COL24A1: variants seen among roughly 807,000 people sequenced by gnomAD.
The protein encoded by COL24A1 is collagen type XXIV alpha 1 chain.
Under a neutral mutation model 253.9 loss-of-function variants are expected in COL24A1, and 224 were observed. The ratio of observed to expected loss-of-function variants is 0.88; its 90% confidence interval spans 0.79 to 0.99. COL24A1 has a LOEUF of 0.99. COL24A1 is among the 50% of genes least tolerant of loss of function. COL24A1 has a pLI of 0.00. For missense variants in COL24A1, 2,131 were observed against 2,068.5 expected (o/e 1.03, Z -0.59); for synonymous variants, 685 against 673.7 (o/e 1.02, Z -0.26).
At chr1:85,908,872 T>A (rs1558616120) in intron 26 of COL24A1, among the ~76,000 whole-genome samples, 3 of 151,734 alleles carry the variant, frequency 2.0e-5, no homozygotes, top group African/African-American at 7.2e-5. Flanking sequence ...AAACTATATA[T>A]CCATTTATTA....
intron 47 of COL24A1, among the ~76,000 whole-genome samples, chr1:85,794,475 T>G (rs1337368845): frequency 6.6e-6 from 1 of 152,164 alleles, no homozygotes; most frequent in Non-Finnish European, 1.5e-5. Flanking sequence ...TGCAGTGCCA[T>G]CAGATATTTA....
chr1:86,136,432 C>T (rs1650255792), intron 2 of COL24A1, among the ~76,000 whole-genome samples: 1 of 104,780 alleles, frequency 9.5e-6, no homozygotes, highest in African/African-American at 3.0e-5. Flanking sequence ...TATATTAGTC[C>T]CCTAGTTTTG....
chr1:85,982,026 A>G (rs1033671619), intron 20 of COL24A1, among the ~76,000 whole-genome samples: 1 of 152,162 alleles, frequency 6.6e-6, no homozygotes, highest in Non-Finnish European at 1.5e-5. Context: ...CCAAATGTTC[A>G]TTGACAGATG....
rs1443065881 is a variant in COL24A1, at chr1:85,966,370, T to TTATTATA, written c.2464-1309_2464-1308insTATAATA. ...ATCTTGTGGTAGTTATTTATACAAG[T>TTATTATA]CCAGAATTTAACTGGATCAGTTAAA... On this transcript the variant is annotated intron_variant, in intron 22 of 59. Coordinates refer to ENST00000370571, the MANE Select transcript of COL24A1 (RefSeq NM_152890.7). Among the ~76,000 whole-genome samples, 3 of 152,170 alleles carry TTATTATA rather than the reference T, an allele frequency of 2.0e-5. No individual in the cohort carries two copies. The East Asian group carries it at 5.8e-4, about 29-fold the overall frequency.
At chr1:85,857,658 A>G (rs1678600014) in intron 37 of COL24A1, among the ~76,000 whole-genome samples, 1 of 151,756 alleles carries the variant, frequency 6.6e-6, no homozygotes, top group Admixed American at 6.6e-5. Context: ...GTTGGAAAGG[A>G]GTAAAAGAGA....
At chr1:86,068,299 C>T (rs1701637256) in intron 7 of COL24A1, among the ~76,000 whole-genome samples, 1 of 152,200 alleles carries the variant, frequency 6.6e-6, no homozygotes, top group African/African-American at 2.4e-5. Flanking sequence ...CCACCCCTCC[C>T]CCATCTCCCC....
chr1:85,819,771 G>T (rs978850894), intron 45 of COL24A1, among the ~76,000 whole-genome samples: 1 of 151,944 alleles, frequency 6.6e-6, no homozygotes, highest in South Asian at 2.1e-4. Flanking sequence ...AAAGAGAAGC[G>T]GGACTGTTAG....
At chr1:85,768,656 G>A (rs1357108532) in intron 53 of COL24A1, among the ~76,000 whole-genome samples, 1 of 151,914 alleles carries the variant, frequency 6.6e-6, no homozygotes, top group Non-Finnish European at 1.5e-5. Context: ...AGAACTTTAT[G>A]GGTATCTCTT....
intron 24 of COL24A1, among the ~76,000 whole-genome samples, chr1:85,935,162 T>C (rs968780354): frequency 2.7e-5 from 4 of 148,946 alleles, no homozygotes; most frequent in African/African-American, 9.8e-5. Context: ...ATTTCCTGTT[T>C]GAAACTAAAA....
intron 2 of COL24A1, among the ~76,000 whole-genome samples, chr1:86,138,533 G>C (rs1557787225): frequency 6.6e-6 from 1 of 152,122 alleles, no homozygotes; most frequent in Non-Finnish European, 1.5e-5. Flanking sequence ...AGATCTGATG[G>C]TTTTTTAAGG....
intron 24 of COL24A1, among the ~76,000 whole-genome samples, chr1:85,917,775 T>A (rs1686039302): frequency 6.6e-6 from 1 of 152,056 alleles, no homozygotes; most frequent in Admixed American, 6.6e-5. Context: ...ATTGTAACCT[T>A]TGCCTCCCAG....
chr1:85,781,075 C>G, intron 52 of COL24A1, 145 bp downstream of exon 52: 1 of 581,948 alleles, frequency 1.7e-6, no homozygotes, highest in Non-Finnish European at 2.9e-6. Flanking sequence ...TCCCTAACTT[C>G]TCAGGAATCA....
At chr1:85,885,691 G>A (rs1682415957) in intron 32 of COL24A1, among the ~76,000 whole-genome samples, 1 of 152,186 alleles carries the variant, frequency 6.6e-6, no homozygotes, top group South Asian at 2.1e-4. Context: ...AAGGAAAAAT[G>A]AGGATTATAT....
chr1:85,889,254 T>G (rs1312666724), intron 32 of COL24A1, among the ~76,000 whole-genome samples: 1 of 152,042 alleles, frequency 6.6e-6, no homozygotes, highest in Non-Finnish European at 1.5e-5. Context: ...GGCAACATAA[T>G]AATTATAAGA....
intron 24 of COL24A1, among the ~76,000 whole-genome samples, chr1:85,925,971 T>C (rs913065126): frequency 6.6e-6 from 1 of 151,630 alleles, no homozygotes; most frequent in Non-Finnish European, 1.5e-5. Flanking sequence ...TTAAACAAAT[T>C]TACAAGAAAA....
Position 85,762,705 on chromosome 1 carries a change from G to A in COL24A1, c.4375-1139C>T, listed in dbSNP as rs17128249. 9.3e-3 allele frequency among the ~76,000 whole-genome samples: 1,418 copies of A among 152,200 alleles called. 57 individuals carry two copies. The highest frequency in any genetic ancestry group is 0.062 in the Admixed American group (952 of 15,286). On this transcript the variant is annotated intron_variant, in intron 53 of 59. Coordinates refer to ENST00000370571, the MANE Select transcript of COL24A1 (RefSeq NM_152890.7). Reference sequence around the variant, plus strand: ...GCTCAAAGTGAAATTGGTTATGTCCGCTTCTCCATTTTGGATCAACAATGT... The same window carrying A: ...GCTCAAAGTGAAATTGGTTATGTCCACTTCTCCATTTTGGATCAACAATGT...
intron 23 of COL24A1, among the ~76,000 whole-genome samples, chr1:85,962,878 A>C (rs1691207153): frequency 6.6e-6 from 1 of 152,156 alleles, no homozygotes; most frequent in Admixed American, 6.5e-5. Flanking sequence ...ACATGTGGCT[A>C]CTGAATATTT....
intron 28 of COL24A1, 55 bp from the exon 29 acceptor site, chr1:85,896,464 T>A: frequency 6.9e-7 from 1 of 1,442,718 alleles, no homozygotes; most frequent in Non-Finnish European, 9.7e-7. Flanking sequence ...TTTTTTTTCT[T>A]AACAGTTATG....
intron 20 of COL24A1, among the ~76,000 whole-genome samples, chr1:85,979,488 A>C (rs1315804435): frequency 1.3e-5 from 2 of 152,252 alleles, no homozygotes; most frequent in Non-Finnish European, 2.9e-5. Flanking sequence ...GTTCAATAGA[A>C]ACGAAATGGG....
Sources: gnomAD v4.1 joint callset for allele counts (sites outside exome capture counted in the v4.1 genomes callset) on GRCh38, gnomAD v4.1.1 for gene constraint, MANE v1.5 for transcripts, NCBI Gene and HGNC (gene_info 2026-07-23, HGNC 2026-07-21) for gene names.